The following PPFIA2 variants were observed in gnomAD, a reference collection of about 807,000 sequenced individuals.
The protein encoded by PPFIA2 is PPFI scaffold protein A2.
Under a neutral mutation model 175.5 loss-of-function variants are expected in PPFIA2, and 46 were observed. The observed-to-expected ratio is 0.26, with a 90% CI of 0.21 to 0.34. PPFIA2 has a LOEUF of 0.34. Among genes scored for constraint, PPFIA2 ranks in the 10% least tolerant of loss-of-function variants. The pLI is 1.00. For synonymous variants in PPFIA2, 568 were observed against 511.4 expected (o/e 1.11, Z -1.49); for missense variants, 1,179 against 1,506.1 (o/e 0.78, Z 3.60).
In PPFIA2 at chr12:81,689,396, C is replaced by T. The variant is rs561460940; in HGVS notation, c.250-12552G>A. 3.9e-5 allele frequency among the ~76,000 whole-genome samples: 6 copies of T among 152,060 alleles called. No homozygotes were observed. The South Asian group carries it at 1.0e-3, about 26-fold the overall frequency. ...ATTTATCTATTTTTCTTCTGGGCAGCTCCATTTCAATTGATGCTACCAGGA... is the reference window on the plus strand; with the variant it reads ...ATTTATCTATTTTTCTTCTGGGCAGTTCCATTTCAATTGATGCTACCAGGA... On this transcript the variant is annotated intron_variant, in intron 3 of 32. Coordinates refer to ENST00000549396, the MANE Select transcript of PPFIA2 (RefSeq NM_003625.5).
intron 4 of PPFIA2, among the ~76,000 whole-genome samples, chr12:81,522,433 A>T (rs568117651): frequency 6.6e-6 from 1 of 152,358 alleles, no homozygotes; most frequent in Admixed American, 6.5e-5. Flanking sequence ...CTCTCTGAAA[A>T]AAAAAGTTCT....
At chr12:81,643,271 T>G (rs1456323048) in intron 4 of PPFIA2, among the ~76,000 whole-genome samples, 1 of 151,656 alleles carries the variant, frequency 6.6e-6, no homozygotes, top group Non-Finnish European at 1.5e-5. Context: ...AAGGATAGGT[T>G]TTCAATAGAC....
intron 4 of PPFIA2, among the ~76,000 whole-genome samples, chr12:81,458,272 C>A (rs1174118353): frequency 1.3e-5 from 2 of 151,972 alleles, no homozygotes; most frequent in Non-Finnish European, 2.9e-5. Context: ...CCGCAAAAAA[C>A]CCTGCTAAAC....
intron 4 of PPFIA2, among the ~76,000 whole-genome samples, chr12:81,659,591 G>A (rs981495050): frequency 6.6e-6 from 1 of 152,316 alleles, no homozygotes; most frequent in East Asian, 1.9e-4. Context: ...TGCAGCTCAA[G>A]GAGGCCCTGC....
intron 11 of PPFIA2, among the ~76,000 whole-genome samples, chr12:81,370,521 AAGAAATC>A (rs759368545): frequency 3.9e-5 from 6 of 151,900 alleles, no homozygotes; most frequent in Non-Finnish European, 7.4e-5. Flanking sequence ...CTGTGAGAAC[AAGAAATC>A]TTGTTTGTGA....
Position 81,281,470 on chromosome 12 carries a change from G to A in PPFIA2, c.3019-20C>T. 9.8e-6 allele frequency: 15 copies of A among 1,530,512 alleles called. No individual in the cohort carries two copies. The highest frequency in any genetic ancestry group is 1.3e-5 in the Non-Finnish European group (15 of 1,116,252). 94.8% of individuals were successfully genotyped at this position (1,530,512 alleles called of 1,614,324 possible). On this transcript the variant is annotated intron_variant, in intron 26 of 32. Coordinates refer to ENST00000549396, the MANE Select transcript of PPFIA2 (RefSeq NM_003625.5). ...CGGACACTAGAATTGTTTTATAGCA[G>A]TCAAGTTTCTTAACCAATCAGATAA...
At chr12:81,491,506 T>C (rs1445411975) in intron 4 of PPFIA2, among the ~76,000 whole-genome samples, 1 of 151,818 alleles carries the variant, frequency 6.6e-6, no homozygotes, top group Non-Finnish European at 1.5e-5. Context: ...CCCGATTTGA[T>C]GGGAATTTGA....
intron 4 of PPFIA2, among the ~76,000 whole-genome samples, chr12:81,595,173 C>G (rs928069050): frequency 4.0e-5 from 6 of 150,930 alleles, no homozygotes; most frequent in Non-Finnish European, 7.4e-5. Context: ...TATGAAAGAA[C>G]AAATGTAGAA....
chr12:81,628,181 T>G (rs1314976516), intron 4 of PPFIA2, among the ~76,000 whole-genome samples: 1 of 152,130 alleles, frequency 6.6e-6, no homozygotes, highest in African/African-American at 2.4e-5. Flanking sequence ...AAAAAATTCT[T>G]TTTTTGAACT....
chr12:81,299,162 C>G, intron 23 of PPFIA2, 139 bp downstream of exon 23: 2 of 1,122,286 alleles, frequency 1.8e-6, no homozygotes, highest in Non-Finnish European at 2.4e-6. Flanking sequence ...AATTTATTCC[C>G]TAGTAAGCAA....
At chr12:81,694,974 C>T (rs1199428096) in intron 3 of PPFIA2, among the ~76,000 whole-genome samples, 1 of 152,172 alleles carries the variant, frequency 6.6e-6, no homozygotes, top group African/African-American at 2.4e-5. Context: ...ATGAGGTCTA[C>T]AGCCCCTTTC....
chr12:81,393,827 G>C (rs1413290349), intron 8 of PPFIA2, among the ~76,000 whole-genome samples: 3 of 152,066 alleles, frequency 2.0e-5, no homozygotes, highest in African/African-American at 7.2e-5. Flanking sequence ...GGGAACATGA[G>C]TATGAACCTA....
At chr12:81,268,600 T>C (rs1316935750) in intron 28 of PPFIA2, among the ~76,000 whole-genome samples, 1 of 152,220 alleles carries the variant, frequency 6.6e-6, no homozygotes. Flanking sequence ...TTAAAAAAGT[T>C]GTTATTTTTC....
intron 4 of PPFIA2, among the ~76,000 whole-genome samples, chr12:81,474,242 C>T (rs1198639620): frequency 2.0e-5 from 3 of 152,142 alleles, no homozygotes; most frequent in African/African-American, 4.8e-5. Context: ...CTGCAACCTC[C>T]ACCTCCCGGT....
chr12:81,392,028 C>A (rs972191042), intron 8 of PPFIA2, among the ~76,000 whole-genome samples: 1 of 151,880 alleles, frequency 6.6e-6, no homozygotes, highest in African/African-American at 2.4e-5. Flanking sequence ...AGAGGAGTGA[C>A]ATGATTTCAC....
At chr12:81,604,039 G>T (rs1231068853) in intron 4 of PPFIA2, among the ~76,000 whole-genome samples, 3 of 151,566 alleles carry the variant, frequency 2.0e-5, no homozygotes, top group Non-Finnish European at 4.4e-5. Context: ...AAATTTTGTG[G>T]GAGAGATACC....
At chr12:81,341,571 C>T (rs762648030) in intron 19 of PPFIA2, among the ~76,000 whole-genome samples, 8 of 152,030 alleles carry the variant, frequency 5.3e-5, no homozygotes, top group East Asian at 3.9e-4. Flanking sequence ...GATTTATGCA[C>T]GGACCTTTTT....
At chr12:81,347,477 C>T (rs763064025) in intron 18 of PPFIA2, 56 bp downstream of exon 18, 18 of 1,425,668 alleles carry the variant, frequency 1.3e-5, no homozygotes, top group Non-Finnish European at 1.8e-5. Context: ...TAAGTTTTAG[C>T]TAAAGCATCA....
chr12:81,437,485 G>A (rs985369315), intron 7 of PPFIA2, among the ~76,000 whole-genome samples: 2 of 152,100 alleles, frequency 1.3e-5, no homozygotes, highest in Admixed American at 6.6e-5. Context: ...CACCCGCCTC[G>A]GCCTCCCAAA....
Sources: allele counts gnomAD v4.1 joint callset (sites outside exome capture counted in the v4.1 genomes callset), GRCh38; gene constraint gnomAD v4.1.1; transcripts MANE v1.5; gene names NCBI Gene and HGNC (gene_info 2026-07-23, HGNC 2026-07-21).